The following DTD1 variants were observed in gnomAD, a reference collection of about 807,000 sequenced individuals.
DTD1 encodes D-aminoacyl-tRNA deacylase 1.
In DTD1, 13 loss-of-function variants were observed where a neutral mutation model predicts 25.6. The ratio of observed to expected loss-of-function variants is 0.51; its 90% CI spans 0.33 to 0.81. The LOEUF (loss-of-function observed/expected upper bound fraction) is 0.81, where lower values mean the gene tolerates loss of function less well. Among genes scored for constraint, DTD1 ranks in the 30% least tolerant of loss-of-function variants. The pLI, the probability that DTD1 is intolerant of heterozygous loss-of-function variation, is 0.02. For missense variants in DTD1, 193 were observed against 266.4 expected, an observed-to-expected ratio of 0.72 and a Z score of 1.92; for synonymous variants, 110 against 103.6, an observed-to-expected ratio of 1.06 and a Z score of -0.37.
At chr20:18,759,954 A>G (rs1427369184) in intron 5 of DTD1, among the ~76,000 whole-genome samples, 2 of 151,936 alleles carry the variant, frequency 1.3e-5, no homozygotes, top group Non-Finnish European at 2.9e-5. Flanking sequence ...TTTTTTCTCT[A>G]AACTTCTCTT....
intron 5 of DTD1, among the ~76,000 whole-genome samples, chr20:18,758,004 G>T (rs1196636281): frequency 6.6e-6 from 1 of 152,328 alleles, no homozygotes; most frequent in African/African-American, 2.4e-5. Context: ...TCTTGGGAGG[G>T]TGTATGTGTC....
intron 4 of DTD1, among the ~76,000 whole-genome samples, chr20:18,721,066 G>A (rs1287594768): frequency 6.6e-6 from 1 of 152,130 alleles, no homozygotes; most frequent in Non-Finnish European, 1.5e-5. Context: ...CAACCGCTAT[G>A]CCTTTTATTT....
At chr20:18,668,749 G>A (rs1275167458) in intron 4 of DTD1, among the ~76,000 whole-genome samples, 1 of 152,184 alleles carries the variant, frequency 6.6e-6, no homozygotes, top group Non-Finnish European at 1.5e-5. Flanking sequence ...AGTCCTCTCT[G>A]AACTGCTCAC....
At chr20:18,681,806 T>C (rs181321820) in intron 4 of DTD1, among the ~76,000 whole-genome samples, 3 of 152,254 alleles carry the variant, frequency 2.0e-5, no homozygotes, top group African/African-American at 7.2e-5. Flanking sequence ...ATATTATCAG[T>C]AGGTTAGAAA....
chr20:18,750,072 C>T (rs771296929), intron 5 of DTD1, among the ~76,000 whole-genome samples: 2 of 152,144 alleles, frequency 1.3e-5, no homozygotes, highest in African/African-American at 2.4e-5. Context: ...CCTTCAGAGC[C>T]GCCCACAACT....
intron 3 of DTD1, among the ~76,000 whole-genome samples, chr20:18,607,717 T>G (rs1230840810): frequency 6.6e-6 from 1 of 152,072 alleles, no homozygotes; most frequent in Non-Finnish European, 1.5e-5. Context: ...TTCTTCTTTC[T>G]TTCTTTTTTT....
At chr20:18,708,285 T>C (rs1325582448) in intron 4 of DTD1, among the ~76,000 whole-genome samples, 1 of 35,734 alleles carries the variant, frequency 2.8e-5, no homozygotes, top group African/African-American at 1.0e-4. Context: ...ATAATATATA[T>C]TATATATATA....
intron 4 of DTD1, among the ~76,000 whole-genome samples, chr20:18,640,761 G>A (rs548325971): frequency 6.6e-6 from 1 of 151,876 alleles, no homozygotes; most frequent in South Asian, 2.1e-4. Flanking sequence ...CTCCCGAGTA[G>A]CTGGGATTAC....
chr20:18,631,246 G>A, intron 4 of DTD1: 1 of 985,140 alleles, frequency 1.0e-6, no homozygotes, highest in Non-Finnish European at 1.2e-6. Flanking sequence ...GAGAGGCCCA[G>A]TGTAAAATGA....
At chr20:18,658,015 G>A (rs2122365943) in intron 4 of DTD1, among the ~76,000 whole-genome samples, 1 of 152,224 alleles carries the variant, frequency 6.6e-6, no homozygotes, top group Middle Eastern at 3.2e-3. Flanking sequence ...GATACTTGGG[G>A]CACATCTTGG....
intron 4 of DTD1, among the ~76,000 whole-genome samples, chr20:18,692,796 T>C (rs577884564): frequency 8.7e-4 from 132 of 152,278 alleles, no homozygotes; most frequent in African/African-American, 3.0e-3. Context: ...GCATGTGAAT[T>C]AATCAGCACT....
chr20:18,653,767 G>A (rs1379930119), intron 4 of DTD1, among the ~76,000 whole-genome samples: 2 of 152,168 alleles, frequency 1.3e-5, no homozygotes, highest in Admixed American at 1.3e-4. Context: ...AGTAAACCTT[G>A]CTTTTGAAAA....
At chr20:18,596,641 T>A (rs1002398122) in intron 3 of DTD1, among the ~76,000 whole-genome samples, 6 of 151,990 alleles carry the variant, frequency 3.9e-5, no homozygotes, top group Non-Finnish European at 8.8e-5. Context: ...GAAATTAATT[T>A]AAAAAATATA....
chr20:18,708,336 TATATATATATTATATATCTATATATATA>T lies in DTD1; in HGVS notation c.478-35763_478-35736del, dbSNP rs1381462647. 2.0e-3 allele frequency among the ~76,000 whole-genome samples: 150 copies of T among 75,494 alleles called. 5 individuals carry two copies. Among genetic ancestry groups the T allele is most frequent in the Non-Finnish European group, 2.3e-3 (91 of 38,896 alleles). The allele number at this position is 75,494 out of a possible 152,430, so 49.5% of individuals were successfully genotyped here. On this transcript the variant is annotated intron_variant, in intron 4 of 5. Coordinates refer to ENST00000377452, the MANE Select transcript of DTD1 (RefSeq NM_080820.6). The stretch of plus-strand genomic sequence containing the variant: ...ATATATATATTATATATATATATTT[TATATATATATTATATATCTATATATATA>T]TTTTTTTTTGATACAAAGTCTCACT...
At chr20:18,649,519 A>G (rs1167951749) in intron 4 of DTD1, among the ~76,000 whole-genome samples, 1 of 151,058 alleles carries the variant, frequency 6.6e-6, no homozygotes, top group East Asian at 1.9e-4. Flanking sequence ...TTGTATTTTT[A>G]GTAGAGATGG....
At chr20:18,740,360 C>G (rs1429332190) in intron 4 of DTD1, among the ~76,000 whole-genome samples, 1 of 151,318 alleles carries the variant, frequency 6.6e-6, no homozygotes, top group African/African-American at 2.4e-5. Context: ...AGATGAGAAA[C>G]AAAACTGAGA....
chr20:18,631,472 A>G (rs2060787429), intron 4 of DTD1: 1 of 985,456 alleles, frequency 1.0e-6, no homozygotes, highest in Non-Finnish European at 1.2e-6. Context: ...TCTCACAGTC[A>G]TCCATCTTAT....
Position 18,746,437 on chromosome 20 carries a change from C to A in DTD1, c.*19+2166C>A, listed in dbSNP as rs1010822592. Among the ~76,000 whole-genome samples the A allele has an allele frequency of 2.0e-5, 3 of 152,132 alleles. No individual in the cohort carries two copies. The East Asian group carries it at 5.8e-4, about 29-fold the overall frequency. ...ATTAGGCCAGGTGTGGTGGCTTACA[C>A]CTGTAATCCTAGCACTTTGGGAGGT... On this transcript the variant is annotated intron_variant, in intron 5 of 5. Transcript: ENST00000377452.
chr20:18,634,541 G>A (rs1247059721), intron 4 of DTD1, among the ~76,000 whole-genome samples: 1 of 152,158 alleles, frequency 6.6e-6, no homozygotes, highest in African/African-American at 2.4e-5. Context: ...AGCGAAACAC[G>A]GTGCCTTCAA....
Sources: gnomAD v4.1 joint callset for allele counts (sites outside exome capture counted in the v4.1 genomes callset) on GRCh38, gnomAD v4.1.1 for gene constraint, MANE v1.5 for transcripts, NCBI Gene and HGNC (gene_info 2026-07-23, HGNC 2026-07-21) for gene names.